GALNT13: variants seen among roughly 807,000 people sequenced by gnomAD.
GALNT13 encodes UDP-GalNAc:polypeptide N-acetylgalactosaminyltransferase 13.
In GALNT13, 28 loss-of-function variants were observed where a neutral mutation model predicts 64.2. The observed-to-expected ratio is 0.44, with a 90% CI of 0.32 to 0.60. The LOEUF is 0.60. GALNT13 is among the 20% of genes least tolerant of loss of function. The pLI, the probability that GALNT13 is intolerant of heterozygous loss-of-function variation, is 0.05. For missense variants in GALNT13, 577 were observed against 669.8 expected, an observed-to-expected ratio of 0.86 and a Z score of 1.53; for synonymous variants, 214 against 224.6, an observed-to-expected ratio of 0.95 and a Z score of 0.42.
At chr2:154,236,213 A>C in intron 4 of GALNT13, 1 of 987,190 alleles carries the variant, frequency 1.0e-6, no homozygotes, top group South Asian at 3.5e-5. Context: ...ATATAAACAC[A>C]CAAAGAGATG....
At chr2:153,077,623 C>T in the GALNT13 span, among the ~76,000 whole-genome samples, 1 of 152,058 alleles carries the variant, frequency 6.6e-6, no homozygotes, top group East Asian at 1.9e-4. Flanking sequence ...GTAAGCATGA[C>T]CATTTACAGC....
the GALNT13 span, among the ~76,000 whole-genome samples, chr2:153,467,481 G>C: frequency 4.6e-5 from 7 of 152,092 alleles, no homozygotes; most frequent in African/African-American, 1.7e-4. Flanking sequence ...CAGAATGGCA[G>C]AGAGGAAAAT....
At chr2:153,287,112 C>T in the GALNT13 span, among the ~76,000 whole-genome samples, 11,748 of 152,206 alleles carry the variant, frequency 0.077, 1,528 homozygotes, top group African/African-American at 0.26. Context: ...ATATTTTCAA[C>T]TTCACAAATA....
the GALNT13 span, among the ~76,000 whole-genome samples, chr2:153,253,714 C>T: frequency 3.4e-4 from 52 of 150,840 alleles, 1 homozygote; most frequent in East Asian, 9.3e-3. Flanking sequence ...TTTTCTGCAT[C>T]TATTGAGATA....
intron 3 of GALNT13, among the ~76,000 whole-genome samples, chr2:154,098,140 T>C (rs954899923): frequency 3.3e-5 from 5 of 150,880 alleles, no homozygotes; most frequent in African/African-American, 1.2e-4. Context: ...TTAATGTATC[T>C]GGAATGTGGT....
At chr2:154,126,932 A>G (rs1231734806) in intron 3 of GALNT13, among the ~76,000 whole-genome samples, 3 of 152,156 alleles carry the variant, frequency 2.0e-5, no homozygotes, top group African/African-American at 7.2e-5. Context: ...ACAATATCTG[A>G]GGGACAATAA....
chr2:154,077,984 T>C (rs981593308), intron 3 of GALNT13, among the ~76,000 whole-genome samples: 4 of 151,526 alleles, frequency 2.6e-5, no homozygotes. Context: ...AATATAATCA[T>C]GTATCAGATT....
At chr2:153,505,024 T>C in the GALNT13 span, among the ~76,000 whole-genome samples, 1 of 152,128 alleles carries the variant, frequency 6.6e-6, no homozygotes, top group Non-Finnish European at 1.5e-5. Flanking sequence ...GACTTTTTTA[T>C]TGGCAATTTT....
the GALNT13 span, among the ~76,000 whole-genome samples, chr2:153,380,289 C>G: frequency 1.3e-5 from 2 of 152,080 alleles, no homozygotes; most frequent in African/African-American, 4.8e-5. Context: ...GTGTTAGGTA[C>G]TATAAGTAAT....
the GALNT13 span, among the ~76,000 whole-genome samples, chr2:153,643,537 A>G: frequency 6.6e-6 from 1 of 151,848 alleles, no homozygotes; most frequent in Non-Finnish European, 1.5e-5. Flanking sequence ...ATATTCTACC[A>G]AATTCTCAAA....
chr2:154,107,706 A>G (rs1042010158), intron 3 of GALNT13, among the ~76,000 whole-genome samples: 4 of 151,780 alleles, frequency 2.6e-5, no homozygotes, highest in African/African-American at 9.7e-5. Flanking sequence ...TAAAACCCAC[A>G]TATTCCTTCT....
chr2:153,398,538 A>C, the GALNT13 span, among the ~76,000 whole-genome samples: 1 of 151,980 alleles, frequency 6.6e-6, no homozygotes, highest in Non-Finnish European at 1.5e-5. Context: ...CAGTTCCACC[A>C]ACAGTGTAAA....
intron 3 of GALNT13, among the ~76,000 whole-genome samples, chr2:154,125,300 G>A (rs1324872017): frequency 1.3e-5 from 2 of 152,104 alleles, no homozygotes; most frequent in African/African-American, 4.8e-5. Context: ...GTGAGGTAGA[G>A]CTATGGAATA....
the GALNT13 span, among the ~76,000 whole-genome samples, chr2:153,400,793 G>T: frequency 2.0e-5 from 3 of 151,694 alleles, no homozygotes; most frequent in South Asian, 4.2e-4. Context: ...ATTTTTTATT[G>T]TGTCTATTTG....
the GALNT13 span, among the ~76,000 whole-genome samples, chr2:153,696,007 T>C: frequency 1.3e-5 from 2 of 152,106 alleles, no homozygotes; most frequent in Admixed American, 6.6e-5. Flanking sequence ...ACCAATAGGA[T>C]AGACGTATAT....
intron 8 of GALNT13, among the ~76,000 whole-genome samples, chr2:154,262,613 A>G (rs1029544746): frequency 1.3e-5 from 2 of 152,206 alleles, no homozygotes; most frequent in Non-Finnish European, 2.9e-5. Flanking sequence ...GCATTAATTA[A>G]TTATGTTTAG....
the GALNT13 span, among the ~76,000 whole-genome samples, chr2:153,572,949 T>G: frequency 6.6e-6 from 1 of 152,036 alleles, no homozygotes; most frequent in Non-Finnish European, 1.5e-5. Flanking sequence ...AAATATCTAT[T>G]AGATCCATTT....
chr2:153,678,097 A>T, the GALNT13 span, among the ~76,000 whole-genome samples: 1 of 151,386 alleles, frequency 6.6e-6, no homozygotes, highest in African/African-American at 2.4e-5. Context: ...CTCTCAACAC[A>T]GTAAACACAC....
At chr2:153,443,728 G>A in the GALNT13 span, among the ~76,000 whole-genome samples, 1 of 152,108 alleles carries the variant, frequency 6.6e-6, no homozygotes, top group Non-Finnish European at 1.5e-5. Flanking sequence ...TTCCAGACCA[G>A]CCTAGCCAAC....
Sources: gnomAD v4.1 joint callset for allele counts (sites outside exome capture counted in the v4.1 genomes callset) on GRCh38, gnomAD v4.1.1 for gene constraint, MANE v1.5 for transcripts, NCBI Gene and HGNC (gene_info 2026-07-23, HGNC 2026-07-21) for gene names.